PDE10A: variants seen among roughly 807,000 people sequenced by gnomAD.
PDE10A encodes phosphodiesterase 10A, also known as cAMP and cAMP-inhibited cGMP 3',5'-cyclic phosphodiesterase 10A.
PDE10A carries 39 observed loss-of-function variants against 97.7 expected under a neutral mutation model. The observed-to-expected ratio is 0.40, with a 90% CI of 0.31 to 0.52. The LOEUF is 0.52. Among genes scored for constraint, PDE10A ranks in the 20% least tolerant of loss-of-function variants. The pLI is 0.56. For synonymous variants in PDE10A, 371 were observed against 376.8 expected, an observed-to-expected ratio of 0.98 and a Z score of 0.18; for missense variants, 731 against 1,047.8, an observed-to-expected ratio of 0.70 and a Z score of 4.17.
intron 1 of PDE10A, among the ~76,000 whole-genome samples, chr6:165,668,375 T>A (rs1368155082): frequency 6.6e-6 from 1 of 152,184 alleles, no homozygotes; most frequent in Non-Finnish European, 1.5e-5. Flanking sequence ...CTCACCATGA[T>A]ACTACCTCAG....
intron 1 of PDE10A, among the ~76,000 whole-genome samples, chr6:165,681,850 C>T (rs139180888): frequency 2.6e-5 from 4 of 152,274 alleles, no homozygotes; most frequent in African/African-American, 9.6e-5. Flanking sequence ...CTCAGAGAGG[C>T]TCACTGAGAT....
At chr6:165,542,629 T>TC (rs1304161644) in intron 2 of PDE10A, among the ~76,000 whole-genome samples, 2 of 138,420 alleles carry the variant, frequency 1.4e-5, no homozygotes, top group Non-Finnish European at 3.1e-5. Context: ...TTTTTTTTTT[T>TC]TTTTTTTTTG....
intron 1 of PDE10A, among the ~76,000 whole-genome samples, chr6:165,700,850 G>C (rs9459486): frequency 6.6e-6 from 1 of 152,150 alleles, no homozygotes; most frequent in Non-Finnish European, 1.5e-5. Flanking sequence ...GTTATCATGC[G>C]GGTGATTTTA....
chr6:165,621,905 C>T (rs1218973669), intron 1 of PDE10A, among the ~76,000 whole-genome samples: 1 of 152,168 alleles, frequency 6.6e-6, no homozygotes, highest in Non-Finnish European at 1.5e-5. Context: ...TAGGCTGGAC[C>T]ATGAGGCCCA....
chr6:165,532,969 G>A (rs138200841), intron 2 of PDE10A, among the ~76,000 whole-genome samples: 2 of 152,210 alleles, frequency 1.3e-5, no homozygotes, highest in Admixed American at 1.3e-4. Context: ...CTACTCTGGT[G>A]ACACAAATTA....
intron 21 of PDE10A, among the ~76,000 whole-genome samples, chr6:165,335,019 A>C (rs1254808638): frequency 1.3e-5 from 2 of 152,234 alleles, no homozygotes; most frequent in Non-Finnish European, 2.9e-5. Flanking sequence ...GCTATGGCTA[A>C]GTAGTTAAAA....
chr6:165,422,209 T>C (rs1243432937), intron 10 of PDE10A, among the ~76,000 whole-genome samples: 1 of 152,122 alleles, frequency 6.6e-6, no homozygotes, highest in Non-Finnish European at 1.5e-5. Flanking sequence ...TTTGGTAATA[T>C]TTATAAAGTC....
At chr6:165,383,729 A>C (rs1327468062) in intron 17 of PDE10A, among the ~76,000 whole-genome samples, 1 of 152,170 alleles carries the variant, frequency 6.6e-6, no homozygotes, top group African/African-American at 2.4e-5. Flanking sequence ...TGGGAAGCTA[A>C]ACTCACAAAC....
chr6:165,845,356 A>G (rs985206417), intron 1 of PDE10A, among the ~76,000 whole-genome samples: 2 of 152,246 alleles, frequency 1.3e-5, no homozygotes, highest in Non-Finnish European at 2.9e-5. Context: ...GGAAAAAAAT[A>G]GCATCCTTAC....
chr6:165,862,521 G>A (rs1177248374), intron 1 of PDE10A, among the ~76,000 whole-genome samples: 1 of 152,148 alleles, frequency 6.6e-6, no homozygotes, highest in East Asian at 1.9e-4. Context: ...ACAGTCTAAA[G>A]GGTGATGATG....
At chr6:165,738,722 A>G (rs1031429213) in intron 1 of PDE10A, among the ~76,000 whole-genome samples, 2 of 152,110 alleles carry the variant, frequency 1.3e-5, no homozygotes, top group East Asian at 3.9e-4. Context: ...GTGTGAGATG[A>G]TATCTCATTG....
intron 3 of PDE10A, among the ~76,000 whole-genome samples, chr6:165,466,562 T>A (rs1778663304): frequency 6.6e-6 from 1 of 152,238 alleles, no homozygotes; most frequent in Non-Finnish European, 1.5e-5. Flanking sequence ...CAGCGCCACT[T>A]TTCCAACAGC....
At chr6:165,412,014 AAG>A (rs1343909525) in intron 13 of PDE10A, among the ~76,000 whole-genome samples, 1 of 151,926 alleles carries the variant, frequency 6.6e-6, no homozygotes, top group Non-Finnish European at 1.5e-5. Flanking sequence ...ATAGGTATCT[AAG>A]AAAAAAGTTT....
Position 165,662,786 on chromosome 6 carries a change from G to T in PDE10A, c.26C>A (p.Ala9Asp), listed in dbSNP as rs1200444486. Among the ~76,000 whole-genome samples the T allele has an allele frequency of 6.7e-6, 1 of 149,494 alleles. No individual in the cohort carries two copies. The highest frequency in any genetic ancestry group is 2.4e-5 in the African/African-American group (1 of 40,990). MASLEEPL[A>D]PRPQGPLPAA... is the part of the protein sequence containing the mutation. ...TGGCAGGGGACCCTGGGGGCGGGGA[G>T]CAAGAGGCTCCTCGAGGCTGGCCAT... The change falls in exon 1 of 22, where the codon GCT (alanine) becomes GAT (aspartate). Residue 9 changes from alanine (A) to aspartate (D), a missense_variant. This residue lies in a region of PDE10A where 181 missense variants were observed against 159.1 expected (regional missense o/e 1.14). Coordinates refer to ENST00000539869, the MANE Select transcript of PDE10A (RefSeq NM_001385079.1).
At chr6:165,365,491 T>C (rs990974347) in intron 18 of PDE10A, among the ~76,000 whole-genome samples, 6 of 151,862 alleles carry the variant, frequency 4.0e-5, no homozygotes, top group African/African-American at 1.5e-4. Context: ...AGCCCTGGAG[T>C]TCAAGACCAG....
intron 13 of PDE10A, chr6:165,409,743 T>C (rs1282479575): frequency 2.0e-5 from 3 of 152,196 alleles, no homozygotes; most frequent in Non-Finnish European, 4.4e-5. Context: ...AGAAAACCAC[T>C]GTTGTGATGG....
intron 1 of PDE10A, among the ~76,000 whole-genome samples, chr6:165,757,183 T>C (rs1793136642): frequency 6.6e-6 from 1 of 152,154 alleles, no homozygotes; most frequent in African/African-American, 2.4e-5. Context: ...GCCAGGCTGG[T>C]CTCAAACTCC....
At chr6:165,543,871 CGTGT>C (rs375765109) in intron 1 of PDE10A, among the ~76,000 whole-genome samples, 15 of 149,928 alleles carry the variant, frequency 1.0e-4, no homozygotes, top group South Asian at 4.2e-4. Context: ...TTCATATATA[CGTGT>C]GTGTGTGTGT....
intron 1 of PDE10A, among the ~76,000 whole-genome samples, chr6:165,573,723 C>G (rs191596706): frequency 2.0e-5 from 3 of 152,182 alleles, no homozygotes; most frequent in African/African-American, 7.2e-5. Flanking sequence ...AATACCAAAC[C>G]ATTTAAACAG....
Sources: gnomAD v4.1 joint callset for allele counts (sites outside exome capture counted in the v4.1 genomes callset) on GRCh38, gnomAD v4.1.1 for gene constraint, gnomAD v4.1.1 regional missense constraint, MANE v1.5 for transcripts, NCBI Gene and HGNC (gene_info 2026-07-23, HGNC 2026-07-21) for gene names.